The following LRRC28 variants were observed in gnomAD, a reference collection of about 807,000 sequenced individuals.
LRRC28 encodes leucine-rich repeat-containing protein 28.
In LRRC28, 39 loss-of-function variants were observed where a neutral mutation model predicts 45.7. The ratio of observed to expected loss-of-function variants is 0.85; its 90% CI spans 0.66 to 1.12. The LOEUF is 1.12. Among genes scored for constraint, LRRC28 ranks in the 50% most tolerant of loss-of-function variants. LRRC28 has a pLI of 0.00. For synonymous variants in LRRC28, 206 were observed against 178.8 expected (o/e 1.15, Z -1.22); for missense variants, 435 against 438.5 (o/e 0.99, Z 0.07).
chr15:99,336,689 G>A (rs1049604302), intron 6 of LRRC28, among the ~76,000 whole-genome samples: 8 of 152,128 alleles, frequency 5.3e-5, no homozygotes, highest in Admixed American at 2.0e-4. Context: ...CTGGCCTAGT[G>A]TCAGTAGCTT....
chr15:99,341,083 C>CTTT lies in LRRC28; in HGVS notation c.592+6977_592+6979dup, dbSNP rs528372394. 2.9e-3 allele frequency among the ~76,000 whole-genome samples: 292 copies of CTTT among 100,490 alleles called. 2 individuals are homozygous for CTTT. Among genetic ancestry groups the CTTT allele is most frequent in the Non-Finnish European group, 3.8e-3 (200 of 52,628 alleles). The allele number at this position is 100,490 out of a possible 152,430, so 65.9% of individuals were successfully genotyped here. A position where few individuals can be genotyped will look rare whatever the true frequency, so the allele number is the denominator to read the frequency against. On this transcript the variant is annotated intron_variant, in intron 6 of 9. Coordinates refer to ENST00000301981, the MANE Select transcript of LRRC28 (RefSeq NM_144598.5). ...TACTCATCTGATCCTATTCTACTGT[C>CTTT]TTTTTTTTTTTTTTTTTTTTTTTTT...
At chr15:99,289,482 G>C (rs1396768331) in intron 5 of LRRC28, among the ~76,000 whole-genome samples, 1 of 152,112 alleles carries the variant, frequency 6.6e-6, no homozygotes, top group Non-Finnish European at 1.5e-5. Context: ...GGTTGCAAGA[G>C]AATGTTAAAA....
At chr15:99,330,273 T>C (rs1956119237) in intron 5 of LRRC28, among the ~76,000 whole-genome samples, 1 of 152,152 alleles carries the variant, frequency 6.6e-6, no homozygotes, top group Non-Finnish European at 1.5e-5. Flanking sequence ...TGTGTAGTTT[T>C]AAGTTTTCTA....
At chr15:99,260,668 G>C (rs2152127322) in intron 2 of LRRC28, among the ~76,000 whole-genome samples, 1 of 152,288 alleles carries the variant, frequency 6.6e-6, no homozygotes, top group East Asian at 1.9e-4. Flanking sequence ...ACTTTTCCTA[G>C]AGTGCTGAAA....
rs193011408 is a variant in LRRC28, at chr15:99,302,119, C to T, written c.385+14168C>T. Among the ~76,000 whole-genome samples the T allele has an allele frequency of 1.4e-4, 22 of 151,812 alleles. No individual in the cohort carries two copies. In the East Asian group the frequency reaches 3.3e-3, roughly 23 times the overall value. ...TCAGCTCACTGCAAGCTCCACCTCC[C>T]GGGTTCACACCATTCTCCTGCCTCA... On this transcript the variant is annotated intron_variant, in intron 5 of 9. Transcript: ENST00000301981.
rs531328395 is a variant in LRRC28 at position 99,321,994 on chromosome 15, A to G, written c.386-11929A>G. Among the ~76,000 whole-genome samples, 40 of 152,340 alleles carry G rather than the reference A, an allele frequency of 2.6e-4. 1 individual carries two copies. The South Asian group carries it at 8.1e-3, about 31-fold the overall frequency. On this transcript the variant is annotated intron_variant, in intron 5 of 9. Coordinates refer to ENST00000301981, the MANE Select transcript of LRRC28 (RefSeq NM_144598.5). The stretch of plus-strand genomic sequence containing the variant: ...CAGGGAAGGCCTTTGTGAAAATGTG[A>G]TGGTAACATTCTGAAACACAAGAAA...
At chr15:99,290,317 A>G (rs1055408568) in intron 5 of LRRC28, among the ~76,000 whole-genome samples, 3 of 152,130 alleles carry the variant, frequency 2.0e-5, no homozygotes, top group Non-Finnish European at 4.4e-5. Context: ...TGTTTTAAAA[A>G]ATATTTTTTT....
At chr15:99,300,425 TA>T (rs1338049721) in intron 5 of LRRC28, among the ~76,000 whole-genome samples, 3 of 152,138 alleles carry the variant, frequency 2.0e-5, no homozygotes, top group African/African-American at 7.2e-5. Context: ...ATTATTAAAA[TA>T]TTCAATTGAG....
chr15:99,268,890 A>T (rs1419319228), intron 2 of LRRC28, among the ~76,000 whole-genome samples: 1 of 152,264 alleles, frequency 6.6e-6, no homozygotes, highest in Non-Finnish European at 1.5e-5. Context: ...TGATGCTTGT[A>T]ACCTCCAACC....
chr15:99,281,311 A>T (rs560365072), intron 3 of LRRC28, among the ~76,000 whole-genome samples: 1 of 151,520 alleles, frequency 6.6e-6, no homozygotes, highest in Non-Finnish European at 1.5e-5. Context: ...GAGTGTTGTG[A>T]TGCAATCATG....
In LRRC28 at chr15:99,354,791, G is replaced by A. The variant is rs183768564; in HGVS notation, c.695+2320G>A. ...GAGACCTGAAAGATCAACTCCCTTC[G>A]TTCTTCACTGCTATCATATGTTGCA... is the stretch of plus-strand genomic sequence containing the variant. On this transcript the variant is annotated intron_variant, in intron 7 of 9. Coordinates refer to ENST00000301981, the MANE Select transcript of LRRC28 (RefSeq NM_144598.5). Among the ~76,000 whole-genome samples, 18 of 152,244 alleles carry A rather than the reference G, an allele frequency of 1.2e-4. No individual in the cohort carries two copies. The South Asian group carries it at 1.5e-3, about 12-fold the overall frequency.
At chr15:99,319,270 A>G (rs995260611) in intron 5 of LRRC28, among the ~76,000 whole-genome samples, 4 of 152,182 alleles carry the variant, frequency 2.6e-5, no homozygotes, top group African/African-American at 9.6e-5. Flanking sequence ...AAGCCTCCCT[A>G]GAAGAAGTCT....
At chr15:99,292,381 G>T in intron 5 of LRRC28, among the ~76,000 whole-genome samples, 1 of 117,310 alleles carries the variant, frequency 8.5e-6, no homozygotes, top group East Asian at 3.4e-4. Flanking sequence ...TTTTTGAAAC[G>T]GAGTCTCGCT....
intron 1 of LRRC28, among the ~76,000 whole-genome samples, chr15:99,254,425 T>A (rs1203950775): frequency 6.6e-6 from 1 of 152,252 alleles, no homozygotes; most frequent in Non-Finnish European, 1.5e-5. Flanking sequence ...TGTTGCTGCC[T>A]TTTGTACTAA....
chr15:99,329,382 C>A (rs954610041), intron 5 of LRRC28, among the ~76,000 whole-genome samples: 6 of 152,124 alleles, frequency 3.9e-5, no homozygotes, highest in African/African-American at 9.7e-5. Context: ...GTAAAAAATA[C>A]AAGAAATCTC....
At chr15:99,312,865 A>G (rs1458940910) in intron 5 of LRRC28, among the ~76,000 whole-genome samples, 2 of 152,222 alleles carry the variant, frequency 1.3e-5, no homozygotes, top group Non-Finnish European at 2.9e-5. Flanking sequence ...AATAGAATGG[A>G]AAAACAGAGA....
chr15:99,340,499 C>T (rs1016328634), intron 6 of LRRC28, among the ~76,000 whole-genome samples: 2 of 152,136 alleles, frequency 1.3e-5, no homozygotes, highest in African/African-American at 2.4e-5. Context: ...ACTATTGAAA[C>T]GAGTTGGAAA....
chr15:99,305,125 T>C (rs1227044720), intron 5 of LRRC28, among the ~76,000 whole-genome samples: 3 of 152,184 alleles, frequency 2.0e-5, no homozygotes, highest in Non-Finnish European at 4.4e-5. Context: ...TGCCTTTTGC[T>C]GTGCTCTAGA....
chr15:99,291,439 G>A (rs1040843818), intron 5 of LRRC28, among the ~76,000 whole-genome samples: 13 of 152,152 alleles, frequency 8.5e-5, no homozygotes, highest in African/African-American at 3.1e-4. Context: ...GATTTCAGAT[G>A]TTATGATTTA....
Sources: allele counts gnomAD v4.1 joint callset (sites outside exome capture counted in the v4.1 genomes callset), GRCh38; gene constraint gnomAD v4.1.1; transcripts MANE v1.5; gene names NCBI Gene and HGNC (gene_info 2026-07-23, HGNC 2026-07-21).